ABCA13: variants seen among roughly 807,000 people sequenced by gnomAD.
ABCA13 encodes ATP binding cassette subfamily A member 13.
A neutral mutation model predicts 478.7 loss-of-function variants in ABCA13; 476 were observed. That is an observed-to-expected ratio of 0.99 (90% confidence interval 0.92 to 1.07). The LOEUF (loss-of-function observed/expected upper bound fraction) is 1.07, where lower values mean the gene tolerates loss of function less well. Ranked by LOEUF, ABCA13 falls within the 50% of genes least tolerant of loss-of-function variation. The probability of loss-of-function intolerance (pLI) is 0.00; values close to 1 mark genes in which losing one functional copy is unlikely to be tolerated. For missense variants in ABCA13, 6,060 were observed against 5,910.6 expected, an observed-to-expected ratio of 1.03 and a Z score of -0.83; for synonymous variants, 2,252 against 2,158.9, an observed-to-expected ratio of 1.04 and a Z score of -1.20.
In ABCA13 at chr7:48,276,205, A is replaced by G. The variant is rs1206144011; in HGVS notation, c.6539A>G (p.Asn2180Ser). 2 of 1,584,788 alleles carry G rather than the reference A, an allele frequency of 1.3e-6. No individual in the cohort carries two copies. Among genetic ancestry groups the G allele is most frequent in the Non-Finnish European group, 1.7e-6 (2 of 1,164,784 alleles). The change falls in exon 17 of 62, where the codon AAT (asparagine) becomes AGT (serine). Residue 2180 changes from asparagine (N) to serine (S), a missense_variant. Transcript: ENST00000435803. ...TTAAAAAATATATCTAGAGCAGGCA[A>G]TTTTGATGTTGCCTTTCTTACCCAT... is the stretch of plus-strand genomic sequence containing the variant. Reference protein sequence around the residue: ...GSLKNISRAGNFDVAFLTHLL... With the variant: ...GSLKNISRAGSFDVAFLTHLL...
chr7:48,363,807 C>T (rs982007688), intron 31 of ABCA13, among the ~76,000 whole-genome samples: 12 of 151,954 alleles, frequency 7.9e-5, no homozygotes, highest in African/African-American at 2.9e-4. Flanking sequence ...TGCTACTTTA[C>T]CATCTCATTA....
At chr7:48,517,947 C>T (rs891872053) in intron 52 of ABCA13, among the ~76,000 whole-genome samples, 1 of 152,170 alleles carries the variant, frequency 6.6e-6, no homozygotes, top group Non-Finnish European at 1.5e-5. Flanking sequence ...AGTCTACTTC[C>T]TCATGGCTGG....
intron 19 of ABCA13, 60 bp downstream of exon 19, chr7:48,281,512 G>C: frequency 7.1e-7 from 1 of 1,407,852 alleles, no homozygotes; most frequent in Non-Finnish European, 9.8e-7. Flanking sequence ...CAGAACTCAG[G>C]TGTCAGAGAG....
Position 48,193,904 on chromosome 7 carries a change from T to A in ABCA13, c.163+852T>A, listed in dbSNP as rs1797504425. On this transcript the variant is annotated intron_variant, in intron 2 of 61. Transcript: ENST00000435803. ...ATAACCGTGATCATGATGAGGGAGA[T>A]GATGATAGTGATGATGCTGACAATA... Among the ~76,000 whole-genome samples, 5 of 34,976 alleles carry A rather than the reference T, an allele frequency of 1.4e-4. No homozygotes were observed. In the South Asian group the frequency reaches 6.2e-3, roughly 43 times the overall value. 22.9% of individuals were successfully genotyped at this position (34,976 alleles called of 152,430 possible). A position where few individuals can be genotyped will look rare whatever the true frequency, so the allele number is the denominator to read the frequency against.
intron 23 of ABCA13, among the ~76,000 whole-genome samples, chr7:48,306,286 TA>T (rs912549373): frequency 1.3e-5 from 2 of 152,122 alleles, no homozygotes; most frequent in Non-Finnish European, 2.9e-5. Context: ...GACTAGACTC[TA>T]AAAAACGTAT....
At chr7:48,219,328 A>G (rs1786991950) in intron 3 of ABCA13, 26 bp from the exon 4 acceptor site, 1 of 1,574,328 alleles carries the variant, frequency 6.4e-7, no homozygotes, top group East Asian at 2.3e-5. Flanking sequence ...AAAGAGTTTC[A>G]CTTGCAGTAT....
At chr7:48,345,216 G>A (rs1376524713) in intron 29 of ABCA13, among the ~76,000 whole-genome samples, 4 of 152,180 alleles carry the variant, frequency 2.6e-5, no homozygotes, top group Non-Finnish European at 4.4e-5. Context: ...ATTATGTACA[G>A]CACGTAATAC....
intron 50 of ABCA13, 56 bp downstream of exon 50, chr7:48,508,105 G>A (rs369365317): frequency 3.2e-5 from 52 of 1,606,374 alleles, no homozygotes; most frequent in African/African-American, 5.3e-5. Context: ...TAAATAGTGC[G>A]TGTATGGAGG....
chr7:48,412,664 G>T (rs536124677), intron 41 of ABCA13, 81 bp downstream of exon 41: 8 of 1,182,746 alleles, frequency 6.8e-6, no homozygotes, highest in Middle Eastern at 2.0e-4. Flanking sequence ...GTGGGTAAAG[G>T]GGGGGAGATG....
At position 48,327,500 on chromosome 7, in the gene ABCA13, C is replaced by T. The variant is rs953936072; in HGVS notation, c.10000-7922C>T. On this transcript the variant is annotated intron_variant, in intron 27 of 61. Coordinates refer to ENST00000435803, the MANE Select transcript of ABCA13 (RefSeq NM_152701.5). ...GGGGACACAGCAAAACCATATCAGA[C>T]GCTTTCCCAAGTCCTCCCTCATTTA... Among the ~76,000 whole-genome samples the T allele has an allele frequency of 5.3e-5, 8 of 152,164 alleles. No individual in the cohort carries two copies. In the East Asian group the frequency reaches 5.8e-4, roughly 11 times the overall value.
At chr7:48,621,392 C>T (rs754603991) in intron 59 of ABCA13, among the ~76,000 whole-genome samples, 3 of 152,018 alleles carry the variant, frequency 2.0e-5, no homozygotes, top group South Asian at 4.2e-4. Flanking sequence ...CCTACTTTTG[C>T]GATATGCTCA....
intron 58 of ABCA13, among the ~76,000 whole-genome samples, chr7:48,596,304 C>T (rs1563484357): frequency 6.6e-6 from 1 of 152,284 alleles, no homozygotes; most frequent in East Asian, 1.9e-4. Context: ...TTAACATTCC[C>T]CAATTTTCAC....
At chr7:48,440,363 T>C (rs1823415254) in intron 42 of ABCA13, among the ~76,000 whole-genome samples, 1 of 152,120 alleles carries the variant, frequency 6.6e-6, no homozygotes, top group African/African-American at 2.4e-5. Context: ...ATACAGTATA[T>C]ATAGAAGTCT....
intron 15 of ABCA13, among the ~76,000 whole-genome samples, chr7:48,253,892 A>G (rs1792963450): frequency 1.3e-5 from 2 of 151,226 alleles, no homozygotes; most frequent in African/African-American, 4.9e-5. Flanking sequence ...CTTTTACCTC[A>G]ATTTCTTTTT....
At chr7:48,332,106 C>T (rs1805499722) in intron 27 of ABCA13, among the ~76,000 whole-genome samples, 1 of 152,142 alleles carries the variant, frequency 6.6e-6, no homozygotes, top group Admixed American at 6.5e-5. Flanking sequence ...ATAACATTCC[C>T]TGGTATGCAT....
intron 31 of ABCA13, among the ~76,000 whole-genome samples, chr7:48,357,305 C>G (rs1307552722): frequency 1.3e-5 from 2 of 151,954 alleles, no homozygotes; most frequent in African/African-American, 2.4e-5. Flanking sequence ...AGTCAATAGT[C>G]ATTGTTCTCA....
rs751403158 is a variant in ABCA13 at position 48,272,575 on chromosome 7, G to A, written c.2909G>A (p.Arg970Gln). 39 of 1,613,442 alleles carry A rather than the reference G, an allele frequency of 2.4e-5. No individual in the cohort carries two copies. Among genetic ancestry groups the A allele is most frequent in the South Asian group, 2.1e-4 (19 of 91,060 alleles). ...CTGCAAATTTATTCTTCATTTTACC[G>A]ATATATTTATGAATTATTGAATATT... ...LLLQIYSSFY[R>Q]YIYELLNIQS... is the part of the protein sequence containing the mutation. The change falls in exon 17 of 62, where the codon CGA becomes CAA. Residue 970 changes from arginine (R) to glutamine (Q), a missense_variant. This residue lies in a region of ABCA13 where 4,423 missense variants were observed against 4,309.1 expected (regional missense o/e 1.03). Transcript: ENST00000435803.
At chr7:48,474,770 G>A (rs973625458) in intron 45 of ABCA13, among the ~76,000 whole-genome samples, 2 of 152,056 alleles carry the variant, frequency 1.3e-5, no homozygotes, top group Non-Finnish European at 1.5e-5. Context: ...TTTACACCAC[G>A]CTCTTATTCT....
At chr7:48,487,454 T>C (rs935698038) in intron 47 of ABCA13, among the ~76,000 whole-genome samples, 5 of 152,216 alleles carry the variant, frequency 3.3e-5, no homozygotes, top group Middle Eastern at 3.4e-3. Context: ...TCTGTTTTTG[T>C]TTCTGTACTG....
Sources: gnomAD v4.1 joint callset for allele counts (sites outside exome capture counted in the v4.1 genomes callset) on GRCh38, gnomAD v4.1.1 for gene constraint, gnomAD v4.1.1 regional missense constraint, MANE v1.5 for transcripts, NCBI Gene and HGNC (gene_info 2026-07-23, HGNC 2026-07-21) for gene names.